Variants in ANO2 observed in about 807,000 individuals in gnomAD.
ANO2 encodes anoctamin 2, also known as anoctamin-2.
A neutral mutation model predicts 124.2 loss-of-function variants in ANO2; 101 were observed. The observed-to-expected ratio is 0.81, with a 90% CI of 0.69 to 0.96. The LOEUF (loss-of-function observed/expected upper bound fraction) is 0.96. Among genes scored for constraint, ANO2 ranks in the 40% least tolerant of loss-of-function variants. ANO2 has a pLI of 0.00. For synonymous variants in ANO2, 486 were observed against 482.5 expected, an observed-to-expected ratio of 1.01 and a Z score of -0.09; for missense variants, 1,293 against 1,274.5, an observed-to-expected ratio of 1.01 and a Z score of -0.22.
intron 10 of ANO2, among the ~76,000 whole-genome samples, chr12:5,772,396 G>A (rs766034008): frequency 4.6e-5 from 7 of 152,112 alleles, no homozygotes; most frequent in African/African-American, 9.7e-5. Flanking sequence ...TGCCGTAGTC[G>A]CCTAAATCTT....
Position 5,615,123 on chromosome 12 carries a change from G to A in ANO2, c.1928+63C>T, listed in dbSNP as rs896337955. The A allele has an allele frequency of 3.7e-6, 5 of 1,360,824 alleles. No homozygotes were observed. The Admixed American group carries it at 9.6e-5, about 26-fold the overall frequency. 84.3% of individuals were successfully genotyped at this position (1,360,824 alleles called of 1,614,324 possible). ...GGGGACAGGCTGACCCTATTGTCCT[G>A]ACAGTAGAGAACCCAGTCTTAGTGG... On this transcript the variant is annotated intron_variant, in intron 17 of 24. Coordinates refer to ENST00000682330, the MANE Select transcript of ANO2 (RefSeq NM_001364791.2).
intron 14 of ANO2, among the ~76,000 whole-genome samples, chr12:5,661,166 G>A (rs1162085032): frequency 1.3e-5 from 2 of 152,036 alleles, no homozygotes; most frequent in Non-Finnish European, 2.9e-5. Context: ...CGTCTACAAC[G>A]GCCATCCTGC....
At chr12:5,704,697 ATGTGTGTGTGTG>A (rs3067798) in intron 14 of ANO2, among the ~76,000 whole-genome samples, 8 of 148,664 alleles carry the variant, frequency 5.4e-5, no homozygotes, top group African/African-American at 2.0e-4. Context: ...TGGTGTGTGT[ATGTGTGTGTGTG>A]TGTGTGTGTG....
rs778929902 is a variant in ANO2 at position 5,599,492 on chromosome 12, A to G, written c.2225T>C (p.Met742Thr). 12 of 1,604,158 alleles carry G rather than the reference A, an allele frequency of 7.5e-6. No individual in the cohort carries two copies. The highest frequency in any genetic ancestry group is 1.0e-5 in the Non-Finnish European group (12 of 1,177,590). ...GGACCATGGGTTCTCACTCATTTCC[A>G]TGTACTCCGGAGTCAGTCCTGTGTA... ...EPYTGLTPEYMEMIIQFGFVT... is the reference protein window; with the variant it reads ...EPYTGLTPEYTEMIIQFGFVT... Residue 742 changes from methionine to threonine, a missense_variant, in exon 20 of 25, where the codon ATG becomes ACG. By Grantham distance (81) the Met-to-Thr change is moderately conservative (BLOSUM62 -1). Coordinates refer to ENST00000682330, the MANE Select transcript of ANO2 (RefSeq NM_001364791.2).
At chr12:5,923,056 CCACATACACACA>C (rs1212318016) in intron 1 of ANO2, among the ~76,000 whole-genome samples, 1 of 114,944 alleles carries the variant, frequency 8.7e-6, no homozygotes, top group African/African-American at 3.4e-5. Context: ...GCACACACAC[CCACATACACACA>C]CACATGCACA....
chr12:5,934,230 G>C (rs565090308), intron 1 of ANO2, among the ~76,000 whole-genome samples: 3 of 152,282 alleles, frequency 2.0e-5, no homozygotes, highest in African/African-American at 7.2e-5. Flanking sequence ...AGAGAGGCCA[G>C]GTAAGTTGTC....
chr12:5,806,072 C>G lies in ANO2; in HGVS notation c.970G>C (p.Asp324His). ...LHDGEYDSPEDDMNDRKLLYQ... is the reference protein window; with the variant it reads ...LHDGEYDSPEHDMNDRKLLYQ... The stretch of plus-strand genomic sequence containing the variant: ...CTTACCTTCCTGTCATTCATATCGT[C>G]CTCTGGACTATCGTATTCACCCTGT... Residue 324 changes from aspartate (D) to histidine (H), a missense_variant, in exon 9 of 25, where the codon GAC (aspartate) becomes CAC (histidine). Coordinates refer to ENST00000682330, the MANE Select transcript of ANO2 (RefSeq NM_001364791.2). 1 of 1,613,858 alleles carries G rather than the reference C, an allele frequency of 6.2e-7. No individual in the cohort carries two copies. Among genetic ancestry groups the G allele is most frequent in the Non-Finnish European group, 8.5e-7 (1 of 1,179,840 alleles).
chr12:5,816,999 T>C (rs1953631530), intron 7 of ANO2, among the ~76,000 whole-genome samples: 1 of 152,170 alleles, frequency 6.6e-6, no homozygotes, highest in South Asian at 2.1e-4. Flanking sequence ...GACAAAATTA[T>C]AAATACAACT....
chr12:5,718,137 C>T (rs769824436), intron 14 of ANO2, among the ~76,000 whole-genome samples: 4 of 152,194 alleles, frequency 2.6e-5, no homozygotes, highest in African/African-American at 9.7e-5. Flanking sequence ...GGCAATAGCT[C>T]GAGAGGGAAA....
chr12:5,578,460 A>C lies in ANO2; in HGVS notation c.2292T>G (p.Phe764Leu). Residue 764 changes from phenylalanine to leucine, a missense_variant, in exon 21 of 25, where the codon TTT becomes TTG. Coordinates refer to ENST00000682330, the MANE Select transcript of ANO2 (RefSeq NM_001364791.2). ...FVASFPLAPV[F>L]ALLNNVIEVR... Reference sequence around the variant, plus strand: ...CTTCAATGACGTTGTTGAGGAGGGCAAACACAGGTGCCAGGGGAAAGGAGG... The same window carrying C: ...CTTCAATGACGTTGTTGAGGAGGGCCAACACAGGTGCCAGGGGAAAGGAGG... The C allele has an allele frequency of 6.2e-7, 1 of 1,614,014 alleles. No individual in the cohort carries two copies. The highest frequency in any genetic ancestry group is 1.3e-5 in the African/African-American group (1 of 75,072).
chr12:5,676,298 A>C (rs772377389), intron 14 of ANO2, among the ~76,000 whole-genome samples: 9 of 152,234 alleles, frequency 5.9e-5, no homozygotes, highest in Non-Finnish European at 1.3e-4. Context: ...CATGGCTTAG[A>C]TAAAAGGCAA....
intron 14 of ANO2, among the ~76,000 whole-genome samples, chr12:5,704,899 T>C (rs1487564658): frequency 6.6e-6 from 1 of 152,214 alleles, no homozygotes; most frequent in Non-Finnish European, 1.5e-5. Context: ...TTAAGGTGGT[T>C]ATATTTTTAA....
chr12:5,857,100 G>A lies in ANO2; in HGVS notation c.535-2959C>T, dbSNP rs549433143. On this transcript the variant is annotated intron_variant, in intron 3 of 24. Transcript: ENST00000682330. ...AAAAAAGTAACTCCTTGAAAGCTCC[G>A]GAGCACAACCATCACCGAATGCATC... 3.9e-5 allele frequency among the ~76,000 whole-genome samples: 6 copies of A among 152,228 alleles called. No homozygotes were observed. The South Asian group carries it at 6.2e-4, about 16-fold the overall frequency.
In ANO2 at chr12:5,844,563, A is replaced by G. The variant is rs1954621278; in HGVS notation, c.633+9480T>C. ...GTCATTTGCTTTACATGTAGACCAC[A>G]GCATTTTAAAGCTATGGTAGATAAT... On this transcript the variant is annotated intron_variant, in intron 4 of 24. Transcript: ENST00000682330. 2.6e-5 allele frequency among the ~76,000 whole-genome samples: 4 copies of G among 152,236 alleles called. No homozygotes were observed. The South Asian group carries it at 8.3e-4, about 32-fold the overall frequency.
rs1048210462 is a variant in ANO2 at position 5,900,379 on chromosome 12, T to G, written c.534+20661A>C. Among the ~76,000 whole-genome samples the G allele has an allele frequency of 2.6e-5, 4 of 152,198 alleles. No homozygotes were observed. The highest frequency in any genetic ancestry group is 5.9e-5 in the Non-Finnish European group (4 of 68,024). ...TAGTCACGAGAGATTTCACTTTCCATGCCCAGTGTTTAGCACCCATCTAGA... is the reference window on the plus strand; with the variant it reads ...TAGTCACGAGAGATTTCACTTTCCAGGCCCAGTGTTTAGCACCCATCTAGA... On this transcript the variant is annotated intron_variant, in intron 3 of 24. Transcript: ENST00000682330. The surrounding 1 kb of genome is among the most constrained non-coding windows in gnomAD (Gnocchi z 4.2).
intron 23 of ANO2, among the ~76,000 whole-genome samples, chr12:5,570,554 A>G (rs889752103): frequency 1.3e-5 from 2 of 152,306 alleles, no homozygotes; most frequent in African/African-American, 4.8e-5. Context: ...AGAGAGACTC[A>G]GGGCTCAGAT....
At chr12:5,564,754 C>T (rs541259658) in intron 24 of ANO2, 4 of 152,332 alleles carry the variant, frequency 2.6e-5, no homozygotes, top group African/African-American at 9.6e-5. Context: ...AAACATATCG[C>T]CTCCATCTCT....
At chr12:5,927,525 A>C (rs1006828708) in intron 1 of ANO2, among the ~76,000 whole-genome samples, 1 of 152,170 alleles carries the variant, frequency 6.6e-6, no homozygotes, top group South Asian at 2.1e-4. Flanking sequence ...GGCCTGCCCA[A>C]AGCCCCTCCC....
chr12:5,923,580 C>T (rs1269570433), intron 1 of ANO2, among the ~76,000 whole-genome samples: 4 of 152,208 alleles, frequency 2.6e-5, no homozygotes, highest in African/African-American at 4.8e-5. Context: ...TTTCAGGGTC[C>T]TCACGCACCT....
Sources: gnomAD v4.1 joint callset for allele counts (sites outside exome capture counted in the v4.1 genomes callset) on GRCh38, gnomAD v4.1.1 for gene constraint, Gnocchi (gnomAD v3.1) non-coding constraint, MANE v1.5 for transcripts, NCBI Gene and HGNC (gene_info 2026-07-23, HGNC 2026-07-21) for gene names.